ARHGAP22: variants seen among roughly 807,000 people sequenced by gnomAD.
ARHGAP22 encodes the protein rho GTPase-activating protein 22.
A neutral mutation model predicts 59.1 loss-of-function variants in ARHGAP22; 48 were observed. The ratio of observed to expected loss-of-function variants is 0.81; its 90% confidence interval spans 0.64 to 1.03. The LOEUF is 1.03. ARHGAP22 is among the 50% of genes least tolerant of loss of function. ARHGAP22 has a pLI of 0.00. For missense variants in ARHGAP22, 1,015 were observed against 958.7 expected (o/e 1.06, Z -0.78); for synonymous variants, 445 against 416.4 (o/e 1.07, Z -0.84).
upstream of ARHGAP22, among the ~76,000 whole-genome samples, chr10:48,606,924 G>A (rs149442696): frequency 6.4e-4 from 98 of 152,264 alleles, no homozygotes; most frequent in East Asian, 7.9e-3. Context: ...TGGCTTCATG[G>A]GCAGATCCAA....
At chr10:48,500,939 T>C (rs1426062518) in intron 3 of ARHGAP22, among the ~76,000 whole-genome samples, 1 of 149,682 alleles carries the variant, frequency 6.7e-6, no homozygotes, top group African/African-American at 2.4e-5. Flanking sequence ...ACTATAAAAG[T>C]GCCAGGCTCA....
intron 3 of ARHGAP22, among the ~76,000 whole-genome samples, chr10:48,533,341 A>G (rs1589997957): frequency 6.6e-6 from 1 of 152,056 alleles, no homozygotes; most frequent in Non-Finnish European, 1.5e-5. Context: ...GACTTGTCTC[A>G]TTTCTCTTTT....
chr10:48,496,080 C>T (rs1003546615), intron 3 of ARHGAP22, among the ~76,000 whole-genome samples: 1 of 152,190 alleles, frequency 6.6e-6, no homozygotes, highest in African/African-American at 2.4e-5. Context: ...TGCAGCCAAG[C>T]CACACCCGGA....
intron 3 of ARHGAP22, among the ~76,000 whole-genome samples, chr10:48,506,097 G>A (rs368746557): frequency 1.3e-5 from 2 of 152,172 alleles, no homozygotes; most frequent in African/African-American, 2.4e-5. Flanking sequence ...GGCCCTCCTC[G>A]GCAGCTGGGT....
intron 1 of ARHGAP22, among the ~76,000 whole-genome samples, chr10:48,636,705 A>T (rs2061834112): frequency 6.6e-6 from 1 of 152,182 alleles, no homozygotes; most frequent in African/African-American, 2.4e-5. Context: ...GGCTATAGTC[A>T]TCGCTAGTAG....
At chr10:48,440,765 T>G in the ARHGAP22 span, among the ~76,000 whole-genome samples, 16 of 152,274 alleles carry the variant, frequency 1.1e-4, no homozygotes, top group South Asian at 4.2e-4. Context: ...AAAAAAAGTA[T>G]TATGACCTGA....
chr10:48,582,814 A>G, intron 2 of ARHGAP22, 139 bp downstream of exon 2: 1 of 979,874 alleles, frequency 1.0e-6, no homozygotes, highest in Non-Finnish European at 1.5e-6. Flanking sequence ...AAGAATGAAA[A>G]TTACTTTGGA....
intron 3 of ARHGAP22, among the ~76,000 whole-genome samples, chr10:48,526,747 C>A (rs1235956979): frequency 1.3e-5 from 2 of 152,166 alleles, no homozygotes; most frequent in Middle Eastern, 3.2e-3. Flanking sequence ...AAAGCAGGAT[C>A]GTTTCAAATG....
intron 1 of ARHGAP22, among the ~76,000 whole-genome samples, chr10:48,634,844 G>T (rs545983427): frequency 1.3e-5 from 2 of 152,240 alleles, no homozygotes; most frequent in Admixed American, 1.3e-4. Context: ...AGGTCATTAG[G>T]GTGGGCCCTA....
intron 1 of ARHGAP22, among the ~76,000 whole-genome samples, chr10:48,613,612 T>C (rs2060973270): frequency 6.6e-6 from 1 of 151,788 alleles, no homozygotes; most frequent in Admixed American, 6.6e-5. Flanking sequence ...TGTAAGACTA[T>C]ATTGTTTAGA....
intron 2 of ARHGAP22, among the ~76,000 whole-genome samples, chr10:48,579,025 A>T (rs1465901123): frequency 6.6e-6 from 1 of 151,942 alleles, no homozygotes; most frequent in African/African-American, 2.4e-5. Flanking sequence ...CATGTTTATT[A>T]TGAGAAACAA....
chr10:48,568,323 G>C (rs904737124), intron 2 of ARHGAP22, among the ~76,000 whole-genome samples: 3 of 152,210 alleles, frequency 2.0e-5, no homozygotes, highest in African/African-American at 7.2e-5. Context: ...CTGGCTGAAT[G>C]ACATGTCCTG....
At chr10:48,462,665 C>T (rs532551722) in intron 4 of ARHGAP22, among the ~76,000 whole-genome samples, 1 of 152,338 alleles carries the variant, frequency 6.6e-6, no homozygotes, top group South Asian at 2.1e-4. Flanking sequence ...AGACAACAGG[C>T]AGAGGTTGCA....
At chr10:48,518,094 TGGA>T (rs2053465752) in intron 3 of ARHGAP22, among the ~76,000 whole-genome samples, 2 of 152,020 alleles carry the variant, frequency 1.3e-5, no homozygotes, top group South Asian at 4.2e-4. Flanking sequence ...GGACACCGAG[TGGA>T]GAAGAAGTCA....
chr10:48,447,314 G>T (rs2045457626), intron 9 of ARHGAP22, among the ~76,000 whole-genome samples: 1 of 152,196 alleles, frequency 6.6e-6, no homozygotes, highest in African/African-American at 2.4e-5. Flanking sequence ...ACACACCTGA[G>T]CCCAGCCCCT....
At chr10:48,466,076 G>A (rs922167511) in intron 4 of ARHGAP22, among the ~76,000 whole-genome samples, 1 of 152,106 alleles carries the variant, frequency 6.6e-6, no homozygotes, top group Non-Finnish European at 1.5e-5. Flanking sequence ...GCACAGTAGA[G>A]GCTAAGCTCA....
At chr10:48,643,136 T>A (rs2136169671) in intron 1 of ARHGAP22, among the ~76,000 whole-genome samples, 1 of 152,336 alleles carries the variant, frequency 6.6e-6, no homozygotes, top group African/African-American at 2.4e-5. Context: ...TTTACACTGT[T>A]GGTGGGACTG....
chr10:48,458,934 C>A (rs2046851877), intron 5 of ARHGAP22, among the ~76,000 whole-genome samples: 1 of 152,098 alleles, frequency 6.6e-6, no homozygotes, highest in Non-Finnish European at 1.5e-5. Context: ...TGTTCTGCCC[C>A]CAGAGGAGAA....
At chr10:48,608,140 A>C (rs2060745660), upstream of ARHGAP22, among the ~76,000 whole-genome samples, 1 of 152,214 alleles carries the variant, frequency 6.6e-6, no homozygotes. Context: ...TTTAGAAGAC[A>C]ACTGCACATG....
Sources: gnomAD v4.1 joint callset for allele counts (sites outside exome capture counted in the v4.1 genomes callset) on GRCh38, gnomAD v4.1.1 for gene constraint, MANE v1.5 for transcripts, NCBI Gene and HGNC (gene_info 2026-07-23, HGNC 2026-07-21) for gene names.